The following ERAP1 variants were observed in gnomAD, a reference collection of about 807,000 sequenced individuals.
ERAP1 encodes the protein adipocyte-derived leucine aminopeptidase.
ERAP1 carries 86 observed loss-of-function variants against 103.7 expected under a neutral mutation model. That is an observed-to-expected ratio of 0.83 (90% CI 0.70 to 0.99). ERAP1 has a LOEUF of 0.99. Among genes scored for constraint, ERAP1 ranks in the 50% least tolerant of loss-of-function variants. The pLI is 0.00. For synonymous variants in ERAP1, 398 were observed against 402.4 expected (o/e 0.99, Z 0.13); for missense variants, 1,009 against 1,128.4 (o/e 0.89, Z 1.52).
At chr5:96,873,596 G>A in the ERAP1 span, 5 of 396,242 alleles carry the variant, frequency 1.3e-5, no homozygotes, top group East Asian at 3.6e-4. Context: ...GTGCAGAAAA[G>A]CTGAGGAAAC....
chr5:96,843,143 G>C, the ERAP1 span, among the ~76,000 whole-genome samples: 2 of 152,176 alleles, frequency 1.3e-5, no homozygotes, highest in Non-Finnish European at 2.9e-5. Context: ...GAGATTTATT[G>C]AAAATGAAAG....
At chr5:96,768,084 T>A in intron 19 of ERAP1, 2 of 888,930 alleles carry the variant, frequency 2.2e-6, no homozygotes, top group Non-Finnish European at 3.7e-6. Context: ...TTGATTGATC[T>A]ATCTATCGGT....
Position 96,792,106 on chromosome 5 carries a change from AT to A in ERAP1, c.1274del (p.Asn425IlefsTer21), listed in dbSNP as rs1203202951. 1 of 1,614,090 alleles carries A rather than the reference AT, an allele frequency of 6.2e-7. No individual in the cohort carries two copies. The highest frequency in any genetic ancestry group is 1.1e-5 in the South Asian group (1 of 91,088). On this transcript the variant is annotated frameshift_variant, in exon 8 of 19. Transcript: ENST00000443439. LOFTEE classifies it high-confidence loss of function. ...CAAACATCTCCCGGATCTGAGCAGG[AT>A]TTTCCACAGGTGTAGACACAGGGTG... ...SSHPVSTPVE[N>X]PAQIREMFDD...
At chr5:96,867,226 C>T in the ERAP1 span, among the ~76,000 whole-genome samples, 2 of 152,044 alleles carry the variant, frequency 1.3e-5, no homozygotes, top group South Asian at 2.1e-4. Flanking sequence ...AGGGTAGTCT[C>T]GAACTCCTGA....
chr5:96,922,665 G>A, the ERAP1 span, among the ~76,000 whole-genome samples: 4 of 152,314 alleles, frequency 2.6e-5, no homozygotes, highest in African/African-American at 9.6e-5. Context: ...GACAGAGCTC[G>A]CAGTTGTCAG....
At chr5:96,886,648 T>C in the ERAP1 span, 6 of 1,500,700 alleles carry the variant, frequency 4.0e-6, no homozygotes, top group African/African-American at 1.4e-5. Context: ...CCTTTTCCTT[T>C]CTGTAGGTTA....
At chr5:96,872,541 A>G in the ERAP1 span, among the ~76,000 whole-genome samples, 1 of 152,164 alleles carries the variant, frequency 6.6e-6, no homozygotes, top group Admixed American at 6.6e-5. Context: ...TGAGGCTCCA[A>G]TAAGCTGTAA....
the ERAP1 span, among the ~76,000 whole-genome samples, chr5:96,830,517 T>C: frequency 7.2e-5 from 11 of 152,152 alleles, no homozygotes; most frequent in African/African-American, 2.7e-4. Flanking sequence ...ATTCATATGA[T>C]TGGACACTAT....
chr5:96,829,094 C>T, the ERAP1 span, among the ~76,000 whole-genome samples: 1 of 152,228 alleles, frequency 6.6e-6, no homozygotes, highest in Non-Finnish European at 1.5e-5. Context: ...GATCCGCCCG[C>T]CTCGGCCTCC....
chr5:96,817,304 C>T, the ERAP1 span, among the ~76,000 whole-genome samples: 1 of 152,304 alleles, frequency 6.6e-6, no homozygotes, highest in African/African-American at 2.4e-5. Context: ...TGTTGAACCA[C>T]AGCAGGTGTT....
exon 20 of ERAP1, chr5:96,762,487 GC>G: frequency 1.6e-6 from 1 of 637,842 alleles, no homozygotes; most frequent in South Asian, 2.6e-5. Context: ...GGAAGATCAG[GC>G]ACCTTCTATT....
the ERAP1 span, chr5:96,935,775 G>C: frequency 4.6e-6 from 1 of 218,204 alleles, no homozygotes; most frequent in Non-Finnish European, 9.2e-6. Context: ...GTCCGGGATC[G>C]GGCGGGTCGC....
chr5:96,812,030 A>G (rs10045403), upstream of ERAP1, among the ~76,000 whole-genome samples: 34,865 of 152,152 alleles, frequency 0.23, 4,150 homozygotes, highest in Non-Finnish European at 0.26. Flanking sequence ...TCACCATGAC[A>G]TATTTCTTAA....
chr5:96,803,095 C>G (rs1778170963), intron 2 of ERAP1, among the ~76,000 whole-genome samples: 1 of 151,980 alleles, frequency 6.6e-6, no homozygotes, highest in Non-Finnish European at 1.5e-5. Flanking sequence ...TTACAACAGC[C>G]CTAGGAAACT....
At chr5:96,855,003 C>A in the ERAP1 span, among the ~76,000 whole-genome samples, 1 of 152,112 alleles carries the variant, frequency 6.6e-6, no homozygotes, top group Non-Finnish European at 1.5e-5. Flanking sequence ...TCACATTTTA[C>A]ACAAATGAAA....
the ERAP1 span, among the ~76,000 whole-genome samples, chr5:96,858,512 T>C: frequency 0.042 from 6,395 of 152,316 alleles, 195 homozygotes; most frequent in South Asian, 0.11. Context: ...TAAATTATTC[T>C]TCACTTTAAT....
chr5:96,771,846 C>T (rs1772495562), downstream of ERAP1: 1 of 498,018 alleles, frequency 2.0e-6, no homozygotes. Flanking sequence ...GCAAGATCTA[C>T]AGAGTAATTG....
At chr5:96,891,531 TATATACAC>T in the ERAP1 span, among the ~76,000 whole-genome samples, 1 of 67,438 alleles carries the variant, frequency 1.5e-5, no homozygotes, top group African/African-American at 6.5e-5. Context: ...ATATACGGTA[TATATACAC>T]ACACACACAC....
At chr5:96,886,700 G>T in the ERAP1 span, 1 of 1,552,934 alleles carries the variant, frequency 6.4e-7, no homozygotes, top group South Asian at 1.2e-5. Flanking sequence ...AGATCACTTT[G>T]AAACTACTGT....
Sources: gnomAD v4.1 joint callset for allele counts (sites outside exome capture counted in the v4.1 genomes callset) on GRCh38, gnomAD v4.1.1 for gene constraint, MANE v1.5 for transcripts, NCBI Gene and HGNC (gene_info 2026-07-23, HGNC 2026-07-21) for gene names.